COG5: variants seen among roughly 807,000 people sequenced by gnomAD.
COG5 encodes the protein conserved oligomeric Golgi complex subunit 5.
Under a neutral mutation model 110.4 loss-of-function variants are expected in COG5, and 86 were observed. The observed-to-expected ratio is 0.78, with a 90% CI of 0.65 to 0.93. COG5 has a LOEUF of 0.93. Among genes scored for constraint, COG5 ranks in the 40% least tolerant of loss-of-function variants. The pLI is 0.00. For missense variants in COG5, 1,077 were observed against 987.0 expected (o/e 1.09, Z -1.22); for synonymous variants, 360 against 334.6 (o/e 1.08, Z -0.83).
At chr7:107,424,144 G>A (rs1296066072) in intron 6 of COG5, among the ~76,000 whole-genome samples, 3 of 151,788 alleles carry the variant, frequency 2.0e-5, no homozygotes, top group Non-Finnish European at 2.9e-5. Flanking sequence ...GTGGTGGTGC[G>A]TGCCTGTAGT....
chr7:107,464,983 G>A (rs189937440), intron 6 of COG5, among the ~76,000 whole-genome samples: 1 of 152,156 alleles, frequency 6.6e-6, no homozygotes, highest in African/African-American at 2.4e-5. Flanking sequence ...ACCCCTTCCT[G>A]AGAAATGGAT....
intron 15 of COG5, among the ~76,000 whole-genome samples, chr7:107,257,480 G>T (rs1209161453): frequency 6.6e-6 from 1 of 151,928 alleles, no homozygotes; most frequent in Non-Finnish European, 1.5e-5. Context: ...TAGTCACTTA[G>T]AATTATTCTA....
At chr7:107,390,456 A>C (rs1451612297) in intron 7 of COG5, among the ~76,000 whole-genome samples, 1 of 152,030 alleles carries the variant, frequency 6.6e-6, no homozygotes, top group Non-Finnish European at 1.5e-5. Flanking sequence ...ATTAAACTGA[A>C]ACTAGTAGCA....
intron 12 of COG5, among the ~76,000 whole-genome samples, chr7:107,294,270 T>C (rs1252870306): frequency 6.6e-6 from 1 of 152,204 alleles, no homozygotes; most frequent in Non-Finnish European, 1.5e-5. Flanking sequence ...ACTAGTCGTA[T>C]CCTTGATTCC....
Position 107,361,238 on chromosome 7 carries a change from T to C in COG5, c.1026+795A>G, listed in dbSNP as rs557982741. On this transcript the variant is annotated intron_variant, in intron 10 of 21. Coordinates refer to ENST00000297135, the MANE Select transcript of COG5 (RefSeq NM_006348.5). ...TAAAATGTAGAATCAGGGATTCCTA[T>C]GCATGGAAAGAATTCTTATGGCCCA... Among the ~76,000 whole-genome samples, 7 of 152,284 alleles carry C rather than the reference T, an allele frequency of 4.6e-5. No individual in the cohort carries two copies. In the South Asian group the frequency reaches 1.0e-3, roughly 23 times the overall value.
At chr7:107,337,178 G>A (rs1053558756) in intron 10 of COG5, among the ~76,000 whole-genome samples, 1 of 151,956 alleles carries the variant, frequency 6.6e-6, no homozygotes, top group African/African-American at 2.4e-5. Context: ...AGGGAAAAAG[G>A]AACACTTACG....
At chr7:107,554,895 A>T (rs1027012489) in intron 2 of COG5, among the ~76,000 whole-genome samples, 3 of 152,208 alleles carry the variant, frequency 2.0e-5, no homozygotes, top group African/African-American at 7.2e-5. Flanking sequence ...GGGGAACACA[A>T]ACACTCAGAC....
chr7:107,291,761 T>C (rs1186095499), intron 12 of COG5, among the ~76,000 whole-genome samples: 1 of 152,244 alleles, frequency 6.6e-6, no homozygotes, highest in Non-Finnish European at 1.5e-5. Context: ...TCATGTTTGA[T>C]ATCTGCTCTG....
intron 6 of COG5, among the ~76,000 whole-genome samples, chr7:107,502,515 CT>C (rs1459780471): frequency 6.6e-6 from 1 of 152,048 alleles, no homozygotes; most frequent in Non-Finnish European, 1.5e-5. Context: ...ATAATGACTT[CT>C]TTTCCTTTGG....
chr7:107,528,396 A>G, intron 5 of COG5, among the ~76,000 whole-genome samples: 1 of 152,182 alleles, frequency 6.6e-6, no homozygotes, highest in East Asian at 1.9e-4. Flanking sequence ...GTGATTTTTA[A>G]TCACTAATAA....
chr7:107,369,160 G>A (rs1013738751), intron 8 of COG5, among the ~76,000 whole-genome samples: 1 of 152,058 alleles, frequency 6.6e-6, no homozygotes, highest in Non-Finnish European at 1.5e-5. Flanking sequence ...TAGTACATAT[G>A]TGCACATGCA....
intron 6 of COG5, among the ~76,000 whole-genome samples, chr7:107,462,934 T>C (rs1019353874): frequency 1.3e-5 from 2 of 152,214 alleles, no homozygotes; most frequent in South Asian, 2.1e-4. Flanking sequence ...GGTTAGGCTA[T>C]TGGCAACAGG....
chr7:107,548,228 A>G (rs1390762912), intron 4 of COG5, 48 bp from the exon 5 acceptor site: 1 of 1,604,524 alleles, frequency 6.2e-7, no homozygotes, highest in African/African-American at 1.3e-5. Context: ...CAGAATATCA[A>G]TGGATAAAAA....
chr7:107,230,348 A>C (rs1296849319), intron 19 of COG5, among the ~76,000 whole-genome samples: 3 of 152,220 alleles, frequency 2.0e-5, no homozygotes, highest in African/African-American at 7.2e-5. Flanking sequence ...AAATAAAAAA[A>C]AAAATTCTCC....
At chr7:107,433,958 A>C (rs1425620424) in intron 6 of COG5, among the ~76,000 whole-genome samples, 1 of 152,206 alleles carries the variant, frequency 6.6e-6, no homozygotes, top group Non-Finnish European at 1.5e-5. Flanking sequence ...TACAATTAAG[A>C]AACAAAAAAG....
chr7:107,495,979 G>A (rs529058022), intron 6 of COG5, among the ~76,000 whole-genome samples: 7 of 149,394 alleles, frequency 4.7e-5, no homozygotes, highest in Non-Finnish European at 1.0e-4. Flanking sequence ...ACAAGGTCTC[G>A]CTATTCTGCT....
At chr7:107,406,263 A>G (rs1237356394) in intron 7 of COG5, among the ~76,000 whole-genome samples, 2 of 152,078 alleles carry the variant, frequency 1.3e-5, no homozygotes, top group East Asian at 1.9e-4. Context: ...CCTGACTCCT[A>G]TTTTTCTAAG....
At chr7:107,385,192 A>G (rs1425272797) in intron 7 of COG5, among the ~76,000 whole-genome samples, 1 of 152,222 alleles carries the variant, frequency 6.6e-6, no homozygotes, top group Non-Finnish European at 1.5e-5. Flanking sequence ...AGCAAGGAAT[A>G]CCCAGGATTG....
chr7:107,276,081 T>C (rs142939297), intron 14 of COG5, among the ~76,000 whole-genome samples: 2 of 152,184 alleles, frequency 1.3e-5, no homozygotes, highest in Admixed American at 6.5e-5. Flanking sequence ...ATTCCTATTA[T>C]TGTTTCAAAT....
Sources: allele counts gnomAD v4.1 joint callset (sites outside exome capture counted in the v4.1 genomes callset), GRCh38; gene constraint gnomAD v4.1.1; transcripts MANE v1.5; gene names NCBI Gene and HGNC (gene_info 2026-07-23, HGNC 2026-07-21).